PARVA: variants seen among roughly 807,000 people sequenced by gnomAD.
The protein encoded by PARVA is parvin alpha, also known as alpha-parvin.
PARVA carries 25 observed loss-of-function variants against 52.6 expected under a neutral mutation model. That is an observed-to-expected ratio of 0.48 (90% CI 0.35 to 0.66). PARVA has a LOEUF of 0.66. PARVA is among the 30% of genes least tolerant of loss of function. The probability of loss-of-function intolerance (pLI) is 0.01; values close to 1 mark genes in which losing one functional copy is unlikely to be tolerated. For missense variants in PARVA, 373 were observed against 450.9 expected (o/e 0.83, Z 1.56); for synonymous variants, 185 against 179.1 (o/e 1.03, Z -0.26).
intron 1 of PARVA, among the ~76,000 whole-genome samples, chr11:12,394,867 A>G (rs926696153): frequency 1.3e-5 from 2 of 152,088 alleles, no homozygotes; most frequent in Non-Finnish European, 2.9e-5. Context: ...CGAGGTGGGC[A>G]GATCACCTGT....
intron 1 of PARVA, among the ~76,000 whole-genome samples, chr11:12,439,750 C>T (rs1376934548): frequency 6.6e-6 from 1 of 152,224 alleles, no homozygotes; most frequent in Non-Finnish European, 1.5e-5. Context: ...CCCAGCTGCC[C>T]TGGCCTTCTT....
intron 3 of PARVA, among the ~76,000 whole-genome samples, chr11:12,476,951 T>C (rs1325677597): frequency 6.6e-6 from 1 of 152,152 alleles, no homozygotes; most frequent in Admixed American, 6.5e-5. Flanking sequence ...ACTGTAGTGG[T>C]TCCCCCAGGC....
intron 12 of PARVA, among the ~76,000 whole-genome samples, chr11:12,524,151 G>A (rs530135701): frequency 6.6e-6 from 1 of 152,344 alleles, no homozygotes; most frequent in South Asian, 2.1e-4. Context: ...ATTGTGCAGT[G>A]CACAGACTGC....
rs1334591649 is a variant in PARVA at position 12,529,286 on chromosome 11, G to C, written c.*1361G>C. The C allele has an allele frequency of 2.0e-5, 3 of 152,166 alleles. No individual in the cohort carries two copies. Among genetic ancestry groups the C allele is most frequent in the South Asian group, 2.1e-4 (1 of 4,830 alleles). 9.4% of individuals were successfully genotyped at this position (152,166 alleles called of 1,614,324 possible). A position where few individuals can be genotyped will look rare whatever the true frequency, so the allele number is the denominator to read the frequency against. ...CTTGACTTTGAAAGACAGAGCTCTAGTGTGCCAGCCTGCTAAGTCCTGTAA... is the reference window on the plus strand; with the variant it reads ...CTTGACTTTGAAAGACAGAGCTCTACTGTGCCAGCCTGCTAAGTCCTGTAA... On this transcript the variant is annotated 3_prime_UTR_variant, in exon 13 of 13. Transcript: ENST00000334956.
intron 1 of PARVA, among the ~76,000 whole-genome samples, chr11:12,467,221 CT>C (rs1245273093): frequency 6.6e-6 from 1 of 152,136 alleles, no homozygotes; most frequent in East Asian, 1.9e-4. Flanking sequence ...GCCTTGTATC[CT>C]GCAACCTTGC....
intron 4 of PARVA, among the ~76,000 whole-genome samples, chr11:12,482,277 T>C (rs943895939): frequency 1.6e-4 from 25 of 151,662 alleles, no homozygotes; most frequent in African/African-American, 6.1e-4. Context: ...GGTGTGGCAG[T>C]GTATTAGTCT....
intron 12 of PARVA, among the ~76,000 whole-genome samples, chr11:12,522,053 A>G (rs1941643705): frequency 6.6e-6 from 1 of 152,172 alleles, no homozygotes; most frequent in South Asian, 2.1e-4. Context: ...ATGTGTGCTA[A>G]TTTACTACAG....
intron 1 of PARVA, among the ~76,000 whole-genome samples, chr11:12,426,008 A>AGAT (rs1030828739): frequency 1.3e-4 from 1 of 7,876 alleles, no homozygotes; most frequent in African/African-American, 1.4e-4. Flanking sequence ...TTCATTCAAC[A>AGAT]GATGATTGAG....
intron 12 of PARVA, among the ~76,000 whole-genome samples, chr11:12,523,292 G>C (rs1564870841): frequency 6.6e-6 from 1 of 152,114 alleles, no homozygotes; most frequent in Non-Finnish European, 1.5e-5. Context: ...GTCGGCTGGG[G>C]GCTAGAGCAT....
chr11:12,387,199 T>C (rs1939584973), intron 1 of PARVA, among the ~76,000 whole-genome samples: 1 of 152,220 alleles, frequency 6.6e-6, no homozygotes, highest in South Asian at 2.1e-4. Context: ...CACATTCTGT[T>C]AGGTTTTCAA....
chr11:12,531,310 A>T lies in PARVA; in HGVS notation c.*3385A>T, dbSNP rs1387929411. Among the ~76,000 whole-genome samples the T allele has an allele frequency of 6.6e-6, 1 of 152,216 alleles. No homozygotes were observed. The highest frequency in any genetic ancestry group is 2.4e-5 in the African/African-American group (1 of 41,454). On this transcript the variant is annotated 3_prime_UTR_variant, in exon 13 of 13. Transcript: ENST00000334956. ...TTGCTGCTATTGGTGCTTTTTAATT[A>T]TGAATTACTGTTAGCTTGCATTATC...
intron 1 of PARVA, among the ~76,000 whole-genome samples, chr11:12,427,051 A>C (rs967267393): frequency 6.6e-6 from 1 of 152,250 alleles, no homozygotes; most frequent in East Asian, 1.9e-4. Context: ...AGTAAGCTAA[A>C]GCAAACAGCA....
chr11:12,394,797 A>G (rs994556379), intron 1 of PARVA, among the ~76,000 whole-genome samples: 1 of 152,224 alleles, frequency 6.6e-6, no homozygotes, highest in African/African-American at 2.4e-5. Context: ...CACCTATATG[A>G]AAAGGCCCTA....
intron 1 of PARVA, among the ~76,000 whole-genome samples, chr11:12,431,365 A>G (rs885468): frequency 0.42 from 63,050 of 151,800 alleles, 13,646 homozygotes; most frequent in East Asian, 0.54. Flanking sequence ...CACCCTGTGC[A>G]TTCAGCCCCT....
chr11:12,474,004 G>T, intron 3 of PARVA, 21 bp downstream of exon 3: 1 of 1,553,222 alleles, frequency 6.4e-7, no homozygotes, highest in Non-Finnish European at 8.7e-7. Flanking sequence ...ATCAGGAGCG[G>T]CTTCAGGTGC....
chr11:12,482,577 G>A (rs1941103177), intron 4 of PARVA, among the ~76,000 whole-genome samples: 1 of 149,902 alleles, frequency 6.7e-6, no homozygotes, highest in South Asian at 2.1e-4. Flanking sequence ...AGTGAGCCAA[G>A]ATCATACCAT....
At chr11:12,409,037 A>G (rs1203870211) in intron 1 of PARVA, among the ~76,000 whole-genome samples, 1 of 152,218 alleles carries the variant, frequency 6.6e-6, no homozygotes, top group African/African-American at 2.4e-5. Context: ...GGATGGTGCT[A>G]GATGTTGGGC....
chr11:12,525,178 G>A (rs553003643), intron 12 of PARVA, among the ~76,000 whole-genome samples: 5 of 152,302 alleles, frequency 3.3e-5, no homozygotes, highest in Admixed American at 1.3e-4. Context: ...GTCAGGTTAC[G>A]CCTTACAAAG....
chr11:12,402,461 G>A (rs918589490), intron 1 of PARVA, among the ~76,000 whole-genome samples: 3 of 152,176 alleles, frequency 2.0e-5, no homozygotes, highest in Non-Finnish European at 2.9e-5. Context: ...TGGGTACTAT[G>A]CAGTTAATTT....
Sources: allele counts gnomAD v4.1 joint callset (sites outside exome capture counted in the v4.1 genomes callset), GRCh38; gene constraint gnomAD v4.1.1; transcripts MANE v1.5; gene names NCBI Gene and HGNC (gene_info 2026-07-23, HGNC 2026-07-21).